The following CPEB3 variants were observed in gnomAD, a reference collection of about 807,000 sequenced individuals.
The protein encoded by CPEB3 is cytoplasmic polyadenylation element binding protein 3, also known as cytoplasmic polyadenylation element-binding protein 3.
CPEB3 carries 20 observed loss-of-function variants against 67.2 expected under a neutral mutation model. That is an observed-to-expected ratio of 0.30 (90% CI 0.21 to 0.43). The LOEUF is 0.43. CPEB3 is among the 20% of genes least tolerant of loss of function. CPEB3 has a pLI of 1.00. For synonymous variants in CPEB3, 376 were observed against 393.1 expected, an observed-to-expected ratio of 0.96 and a Z score of 0.51; for missense variants, 746 against 968.6, an observed-to-expected ratio of 0.77 and a Z score of 3.05.
At chr10:92,074,114 A>T (rs551019637) in intron 9 of CPEB3, among the ~76,000 whole-genome samples, 115 of 151,648 alleles carry the variant, frequency 7.6e-4, no homozygotes, top group African/African-American at 2.7e-3. Flanking sequence ...AATTAAAAAA[A>T]TGGTTTTTTT....
intron 1 of CPEB3, among the ~76,000 whole-genome samples, chr10:92,250,396 A>C (rs896497537): frequency 6.6e-6 from 1 of 151,742 alleles, no homozygotes; most frequent in African/African-American, 2.4e-5. Flanking sequence ...CCAATTTTTA[A>C]AAAAAAAATT....
intron 4 of CPEB3, among the ~76,000 whole-genome samples, chr10:92,151,326 T>C (rs998723778): frequency 6.6e-6 from 1 of 152,158 alleles, no homozygotes; most frequent in Non-Finnish European, 1.5e-5. Context: ...TCTTTTCATT[T>C]TAGTCTTGTA....
intron 1 of CPEB3, among the ~76,000 whole-genome samples, chr10:92,251,889 C>T (rs1015986901): frequency 2.0e-5 from 3 of 150,108 alleles, no homozygotes; most frequent in Non-Finnish European, 4.4e-5. Flanking sequence ...TGCAGTGAGC[C>T]GAGATCACGC....
intron 1 of CPEB3, among the ~76,000 whole-genome samples, chr10:92,248,729 T>C (rs1852170180): frequency 6.6e-6 from 1 of 152,186 alleles, no homozygotes; most frequent in African/African-American, 2.4e-5. Flanking sequence ...GACTATTTGA[T>C]TACCATCATG....
At chr10:92,205,972 G>C (rs1849767645) in intron 2 of CPEB3, among the ~76,000 whole-genome samples, 1 of 151,780 alleles carries the variant, frequency 6.6e-6, no homozygotes, top group South Asian at 2.1e-4. Flanking sequence ...AAAATATTTG[G>C]TATTTAGAAG....
At chr10:92,283,404 G>A (rs1842384995) in intron 1 of CPEB3, among the ~76,000 whole-genome samples, 2 of 152,060 alleles carry the variant, frequency 1.3e-5, no homozygotes, top group African/African-American at 4.8e-5. Flanking sequence ...TTCAAAAAGG[G>A]AGGATCTATA....
rs771640839 is a variant in CPEB3, at chr10:92,081,419, G to A, written c.1770C>T (p.Pro590=). 2 of 1,614,144 alleles carry A rather than the reference G, an allele frequency of 1.2e-6. No homozygotes were observed. Among genetic ancestry groups the A allele is most frequent in the Non-Finnish European group, 1.7e-6 (2 of 1,180,018 alleles). The stretch of plus-strand genomic sequence containing the variant: ...AGAATGCCACGCGGCCAGCACCTTT[G>A]GGGTACTTCAGCTCTGGGTCCGTAT... ...GIDTDPELKY[P]KGAGRVAFSN... Residue 590 remains proline (P), a synonymous_variant, in exon 9 of 10, where the codon CCC becomes CCT. Transcript: ENST00000265997.
intron 2 of CPEB3, among the ~76,000 whole-genome samples, chr10:92,237,933 CCT>C (rs1851618962): frequency 6.6e-6 from 1 of 152,096 alleles, no homozygotes; most frequent in Admixed American, 6.5e-5. Flanking sequence ...TTGTGAAGAT[CCT>C]CTGTCATCAA....
At chr10:92,144,881 G>A in intron 5 of CPEB3, 64 bp downstream of exon 5, 3 of 1,456,686 alleles carry the variant, frequency 2.1e-6, no homozygotes, top group Middle Eastern at 3.8e-4. Context: ...GAGAGGAGAG[G>A]CAGGGTCAGA....
intron 2 of CPEB3, among the ~76,000 whole-genome samples, chr10:92,206,878 T>C (rs1849817598): frequency 6.6e-6 from 1 of 152,194 alleles, no homozygotes; most frequent in African/African-American, 2.4e-5. Context: ...TTATTTAAAA[T>C]TATAGACTAA....
At chr10:92,093,702 C>T (rs902389991) in intron 7 of CPEB3, among the ~76,000 whole-genome samples, 7 of 152,054 alleles carry the variant, frequency 4.6e-5, no homozygotes, top group African/African-American at 1.7e-4. Flanking sequence ...AAGGTTTCAC[C>T]ATGTTGGCCA....
intron 3 of CPEB3, among the ~76,000 whole-genome samples, chr10:92,189,683 A>G (rs970030513): frequency 4.8e-5 from 7 of 145,778 alleles, no homozygotes; most frequent in African/African-American, 1.7e-4. Context: ...ACCTCTAGGT[A>G]GAGAGTCTCT....
chr10:92,098,394 T>A (rs1010205756), intron 7 of CPEB3, among the ~76,000 whole-genome samples: 1 of 151,768 alleles, frequency 6.6e-6, no homozygotes, highest in African/African-American at 2.4e-5. Context: ...CCACAACCTC[T>A]GCCTCCCAGG....
intron 2 of CPEB3, among the ~76,000 whole-genome samples, chr10:92,213,238 G>A (rs995591438): frequency 6.6e-6 from 1 of 152,158 alleles, no homozygotes; most frequent in Non-Finnish European, 1.5e-5. Context: ...CTGAGGCTCT[G>A]TCAAGGTAGT....
At chr10:92,112,300 A>G (rs1360923090) in intron 6 of CPEB3, among the ~76,000 whole-genome samples, 1 of 151,886 alleles carries the variant, frequency 6.6e-6, no homozygotes, top group East Asian at 1.9e-4. Flanking sequence ...GCCCGCCACC[A>G]CATCCGTCTA....
chr10:92,115,098 G>C (rs976109975), intron 6 of CPEB3, among the ~76,000 whole-genome samples: 2 of 152,208 alleles, frequency 1.3e-5, no homozygotes, highest in African/African-American at 4.8e-5. Context: ...AGAGCTGCGG[G>C]GCGCGGGAGG....
intron 2 of CPEB3, among the ~76,000 whole-genome samples, chr10:92,214,898 A>C (rs1267914608): frequency 1.3e-5 from 2 of 151,780 alleles, no homozygotes; most frequent in East Asian, 3.9e-4. Flanking sequence ...ACCCAGCTGG[A>C]GTGCAGTGGT....
At chr10:92,152,359 C>T (rs1032944612) in intron 4 of CPEB3, among the ~76,000 whole-genome samples, 8 of 152,198 alleles carry the variant, frequency 5.3e-5, no homozygotes, top group Admixed American at 2.6e-4. Context: ...TTTGTCTATT[C>T]TGGACACTTC....
At chr10:92,248,915 T>C (rs1852178492) in intron 1 of CPEB3, among the ~76,000 whole-genome samples, 2 of 152,148 alleles carry the variant, frequency 1.3e-5, no homozygotes, top group Non-Finnish European at 2.9e-5. Context: ...TTAACAATAT[T>C]CCAGTCAAAC....
Sources: gnomAD v4.1 joint callset for allele counts (sites outside exome capture counted in the v4.1 genomes callset) on GRCh38, gnomAD v4.1.1 for gene constraint, MANE v1.5 for transcripts, NCBI Gene and HGNC (gene_info 2026-07-23, HGNC 2026-07-21) for gene names.